The following RBFOX1 variants were observed in gnomAD, a reference collection of about 807,000 sequenced individuals.
RBFOX1 encodes RNA binding protein fox-1 homolog 1.
A neutral mutation model predicts 57.7 loss-of-function variants in RBFOX1; 8 were observed. The observed-to-expected ratio is 0.14, with a 90% confidence interval of 0.08 to 0.25. The LOEUF (loss-of-function observed/expected upper bound fraction) is 0.25, where lower values mean the gene tolerates loss of function less well. RBFOX1 is among the 10% of genes least tolerant of loss of function. RBFOX1 has a pLI of 1.00. For synonymous variants in RBFOX1, 326 were observed against 222.4 expected (o/e 1.47, Z -4.15); for missense variants, 611 against 548.5 (o/e 1.11, Z -1.14).
At chr16:5,467,510 G>T (rs977891529) in intron 2 of RBFOX1, among the ~76,000 whole-genome samples, 1 of 152,134 alleles carries the variant, frequency 6.6e-6, no homozygotes, top group Admixed American at 6.5e-5. Flanking sequence ...TTGAGGGGTA[G>T]GCAGGCAGTT....
chr16:5,929,898 TGAGGGTGGG>T (rs936566160), intron 4 of RBFOX1, among the ~76,000 whole-genome samples: 21 of 131,698 alleles, frequency 1.6e-4, no homozygotes, highest in Non-Finnish European at 2.3e-4. Flanking sequence ...TAATTCTTAA[TGAGGGTGGG>T]GAGGGTGGGA....
chr16:5,743,109 G>T (rs977016819), intron 3 of RBFOX1, among the ~76,000 whole-genome samples: 1 of 152,030 alleles, frequency 6.6e-6, no homozygotes, highest in East Asian at 1.9e-4. Context: ...TCACACTAAC[G>T]GTGAGTATTC....
At chr16:6,856,558 T>G (rs889276951) in intron 3 of RBFOX1, among the ~76,000 whole-genome samples, 6 of 152,056 alleles carry the variant, frequency 3.9e-5, no homozygotes, top group Admixed American at 2.0e-4. Flanking sequence ...CATCAAAGAG[T>G]GTTTCCCATC....
At chr16:7,670,746 A>T (rs989145512) in intron 13 of RBFOX1, among the ~76,000 whole-genome samples, 18 of 152,210 alleles carry the variant, frequency 1.2e-4, no homozygotes, top group Admixed American at 1.2e-3. Context: ...TACGTCCCTC[A>T]GTCTCTTCAA....
At chr16:7,442,794 C>G (rs2098779162) in intron 4 of RBFOX1, among the ~76,000 whole-genome samples, 1 of 152,268 alleles carries the variant, frequency 6.6e-6, no homozygotes, top group South Asian at 2.1e-4. Flanking sequence ...CGTCACCCAC[C>G]AGATCAGCTA....
chr16:6,689,173 A>G (rs778226734), intron 3 of RBFOX1, among the ~76,000 whole-genome samples: 18 of 152,176 alleles, frequency 1.2e-4, no homozygotes, highest in Non-Finnish European at 2.2e-4. Flanking sequence ...TTGCTGGGTC[A>G]AATGTTATTT....
chr16:7,589,353 A>G (rs181612967), intron 7 of RBFOX1, among the ~76,000 whole-genome samples: 27 of 152,324 alleles, frequency 1.8e-4, no homozygotes, highest in African/African-American at 6.5e-4. Flanking sequence ...TTAGAAGAAT[A>G]TCATTTGCCA....
At chr16:7,017,575 C>G (rs576038078) in intron 3 of RBFOX1, among the ~76,000 whole-genome samples, 2 of 152,284 alleles carry the variant, frequency 1.3e-5, no homozygotes, top group East Asian at 3.9e-4. Flanking sequence ...TAGACGACTG[C>G]AAATTGTTGT....
intron 1 of RBFOX1, among the ~76,000 whole-genome samples, chr16:5,408,009 C>A (rs572451948): frequency 1.3e-5 from 2 of 152,360 alleles, no homozygotes; most frequent in East Asian, 3.9e-4. Context: ...GGCTTTGTGT[C>A]CTCCACCTCC....
intron 4 of RBFOX1, among the ~76,000 whole-genome samples, chr16:7,449,482 C>T (rs998695191): frequency 1.3e-5 from 2 of 152,138 alleles, no homozygotes; most frequent in African/African-American, 4.8e-5. Flanking sequence ...ACTAACGCGC[C>T]CCTTGCCAAC....
At chr16:7,706,360 G>A (rs1178760658) in intron 14 of RBFOX1, among the ~76,000 whole-genome samples, 1 of 152,198 alleles carries the variant, frequency 6.6e-6, no homozygotes, top group Non-Finnish European at 1.5e-5. Context: ...GTTCAATGCT[G>A]CTGTATTTTC....
intron 2 of RBFOX1, among the ~76,000 whole-genome samples, chr16:6,367,962 T>A (rs113478189): frequency 1.6e-3 from 246 of 152,274 alleles, no homozygotes; most frequent in African/African-American, 5.4e-3. Context: ...CCAATGTCAG[T>A]ATGGCAGGTA....
chr16:6,229,398 T>C (rs908267775), intron 1 of RBFOX1, among the ~76,000 whole-genome samples: 2 of 152,110 alleles, frequency 1.3e-5, no homozygotes, highest in African/African-American at 4.8e-5. Flanking sequence ...GGATCTCGTT[T>C]TCCCCCTATC....
intron 1 of RBFOX1, among the ~76,000 whole-genome samples, chr16:5,319,939 G>A (rs1161992597): frequency 1.3e-5 from 2 of 152,208 alleles, no homozygotes; most frequent in African/African-American, 2.4e-5. Context: ...GGTCATCTCT[G>A]TGAGGGGCAT....
At chr16:6,963,934 A>C (rs891613208) in intron 3 of RBFOX1, among the ~76,000 whole-genome samples, 1 of 152,030 alleles carries the variant, frequency 6.6e-6, no homozygotes, top group Non-Finnish European at 1.5e-5. Flanking sequence ...TCCTGACATC[A>C]TGATCCACCC....
At chr16:7,673,939 G>C (rs370699158) in intron 13 of RBFOX1, among the ~76,000 whole-genome samples, 2 of 152,198 alleles carry the variant, frequency 1.3e-5, no homozygotes, top group African/African-American at 4.8e-5. Flanking sequence ...GCAATTGAAA[G>C]TGAGTGTTCC....
chr16:5,661,709 C>A (rs2049657695), intron 3 of RBFOX1, among the ~76,000 whole-genome samples: 1 of 152,180 alleles, frequency 6.6e-6, no homozygotes, highest in South Asian at 2.1e-4. Context: ...AGTCTGCTGT[C>A]TTATCAAATT....
At chr16:7,638,375 C>T (rs531152160) in intron 11 of RBFOX1, among the ~76,000 whole-genome samples, 1 of 151,832 alleles carries the variant, frequency 6.6e-6, no homozygotes, top group African/African-American at 2.4e-5. Flanking sequence ...CAGCTTTGAA[C>T]CAAGCCTGTT....
At chr16:5,277,636 A>C (rs1036845932) in intron 1 of RBFOX1, among the ~76,000 whole-genome samples, 1 of 152,124 alleles carries the variant, frequency 6.6e-6, no homozygotes, top group Non-Finnish European at 1.5e-5. Context: ...ATATAGCTCC[A>C]GGGCACACAA....
Sources: allele counts gnomAD v4.1 joint callset (sites outside exome capture counted in the v4.1 genomes callset), GRCh38; gene constraint gnomAD v4.1.1; transcripts MANE v1.5; gene names NCBI Gene and HGNC (gene_info 2026-07-23, HGNC 2026-07-21).